EBF1: variants seen among roughly 807,000 people sequenced by gnomAD.
EBF1 encodes EBF transcription factor 1, also known as transcription factor COE1.
In EBF1, 10 loss-of-function variants were observed where a neutral mutation model predicts 68.4. The observed-to-expected ratio is 0.15, with a 90% CI of 0.09 to 0.25. EBF1 has a LOEUF of 0.25. EBF1 is among the 10% of genes least tolerant of loss of function. The pLI, the probability that EBF1 is intolerant of heterozygous loss-of-function variation, is 1.00. For synonymous variants in EBF1, 298 were observed against 299.8 expected (o/e 0.99, Z 0.06); for missense variants, 509 against 794.4 (o/e 0.64, Z 4.32).
At chr5:158,980,910 A>G (rs1289033298) in intron 6 of EBF1, among the ~76,000 whole-genome samples, 4 of 152,238 alleles carry the variant, frequency 2.6e-5, no homozygotes, top group Admixed American at 2.6e-4. Flanking sequence ...GGAAAAAGAA[A>G]CTAGTAAGTT....
intron 6 of EBF1, among the ~76,000 whole-genome samples, chr5:159,038,285 G>A (rs1239490421): frequency 3.3e-5 from 5 of 152,020 alleles, no homozygotes; most frequent in African/African-American, 4.8e-5. Flanking sequence ...AAATGAGGGG[G>A]GAAACCCACC....
intron 9 of EBF1, among the ~76,000 whole-genome samples, chr5:158,785,260 C>T (rs1361829032): frequency 6.6e-6 from 1 of 152,142 alleles, no homozygotes; most frequent in Non-Finnish European, 1.5e-5. Flanking sequence ...CTTGTTTTCC[C>T]TCCACTACTC....
rs568263410 is a variant in EBF1, at chr5:158,745,588, C to G, written c.1037-14431G>C. On this transcript the variant is annotated intron_variant, in intron 10 of 15. Coordinates refer to ENST00000313708, the MANE Select transcript of EBF1 (RefSeq NM_024007.5). Reference sequence around the variant, plus strand: ...CATCAGTTCTCAAGAGCTGAAGAGACTAGACCAGTTGCTACATTACTGACC... The same window carrying G: ...CATCAGTTCTCAAGAGCTGAAGAGAGTAGACCAGTTGCTACATTACTGACC... 2.6e-5 allele frequency among the ~76,000 whole-genome samples: 4 copies of G among 152,298 alleles called. No homozygotes were observed. In the East Asian group the frequency reaches 7.7e-4, roughly 29 times the overall value.
chr5:158,729,294 A>G (rs1326536725), intron 11 of EBF1, among the ~76,000 whole-genome samples: 1 of 152,078 alleles, frequency 6.6e-6, no homozygotes, highest in Non-Finnish European at 1.5e-5. Context: ...GTCCAACCTG[A>G]CTCTCCTCAA....
chr5:158,817,253 T>C (rs1449976445), intron 8 of EBF1, among the ~76,000 whole-genome samples: 1 of 151,604 alleles, frequency 6.6e-6, no homozygotes, highest in South Asian at 2.1e-4. Context: ...ATTTTTTTTT[T>C]TGTCCCCTTT....
At chr5:158,992,993 A>G (rs1229748711) in intron 6 of EBF1, among the ~76,000 whole-genome samples, 3 of 131,384 alleles carry the variant, frequency 2.3e-5, no homozygotes, top group South Asian at 2.4e-4. Flanking sequence ...CAATGGAGCA[A>G]TCTCGGCTCA....
chr5:159,052,251 G>T (rs1440482703), intron 6 of EBF1, among the ~76,000 whole-genome samples: 1 of 150,846 alleles, frequency 6.6e-6, no homozygotes, highest in Non-Finnish European at 1.5e-5. Flanking sequence ...TATGTGTATT[G>T]CTTAGCAGCC....
chr5:158,845,725 A>G (rs1791351827), intron 6 of EBF1, among the ~76,000 whole-genome samples: 1 of 151,888 alleles, frequency 6.6e-6, no homozygotes. Context: ...AAAAAGAAGA[A>G]GAAATAACCA....
At position 158,747,509 on chromosome 5, in the gene EBF1, G is replaced by C. The variant is rs184045548; in HGVS notation, c.1037-16352C>G. On this transcript the variant is annotated intron_variant, in intron 10 of 15. Coordinates refer to ENST00000313708, the MANE Select transcript of EBF1 (RefSeq NM_024007.5). ...ACATGATCTATCTCCTATTACTGCT[G>C]GCCATTTCAAAGCCAAATAGACCTG... 1.7e-4 allele frequency among the ~76,000 whole-genome samples: 26 copies of C among 152,140 alleles called. No homozygotes were observed. In the East Asian group the frequency reaches 4.3e-3, roughly 25 times the overall value.
intron 6 of EBF1, among the ~76,000 whole-genome samples, chr5:158,898,168 T>C (rs941385846): frequency 6.6e-6 from 1 of 152,248 alleles, no homozygotes; most frequent in Non-Finnish European, 1.5e-5. Context: ...ACTGTTATTA[T>C]AGTATATATA....
intron 12 of EBF1, among the ~76,000 whole-genome samples, chr5:158,713,540 G>T (rs1393373337): frequency 6.6e-6 from 1 of 152,148 alleles, no homozygotes; most frequent in East Asian, 1.9e-4. Flanking sequence ...CAGGGGGAGA[G>T]GAAGAGAGGC....
intron 8 of EBF1, among the ~76,000 whole-genome samples, chr5:158,807,694 T>C (rs1254649152): frequency 2.0e-5 from 3 of 152,120 alleles, no homozygotes; most frequent in South Asian, 2.1e-4. Flanking sequence ...AACATAATCA[T>C]GGCCAATTCT....
At chr5:158,848,676 T>C (rs1002128908) in intron 6 of EBF1, among the ~76,000 whole-genome samples, 1 of 152,242 alleles carries the variant, frequency 6.6e-6, no homozygotes, top group Non-Finnish European at 1.5e-5. Context: ...GTGTGTTTCA[T>C]GCAGACAGAA....
chr5:158,817,243 AT>A (rs11349710), intron 8 of EBF1, among the ~76,000 whole-genome samples: 19,450 of 148,658 alleles, frequency 0.13, 1,737 homozygotes, highest in African/African-American at 0.25. Context: ...ATACCTGGCA[AT>A]TTTTTTTTTT....
At chr5:158,971,060 G>A (rs1292329330) in intron 6 of EBF1, among the ~76,000 whole-genome samples, 2 of 152,136 alleles carry the variant, frequency 1.3e-5, no homozygotes, top group African/African-American at 4.8e-5. Context: ...GGGCAATACC[G>A]GGTAACCTAT....
intron 6 of EBF1, among the ~76,000 whole-genome samples, chr5:159,050,694 G>T (rs1444104677): frequency 6.6e-6 from 1 of 152,168 alleles, no homozygotes; most frequent in Non-Finnish European, 1.5e-5. Context: ...ACTGACTCCT[G>T]CCTCCGTTCA....
At chr5:158,755,798 T>C (rs1769945465) in intron 10 of EBF1, among the ~76,000 whole-genome samples, 1 of 152,230 alleles carries the variant, frequency 6.6e-6, no homozygotes, top group African/African-American at 2.4e-5. Flanking sequence ...AGAACCTCTA[T>C]GTTTGAGGGA....
intron 6 of EBF1, among the ~76,000 whole-genome samples, chr5:158,930,266 T>A (rs963658859): frequency 9.1e-6 from 1 of 110,282 alleles, no homozygotes; most frequent in African/African-American, 2.7e-5. Flanking sequence ...TTTTGTTTTT[T>A]TTTTTGTTTG....
intron 5 of EBF1, among the ~76,000 whole-genome samples, chr5:159,076,757 T>G (rs113101247): frequency 3.9e-5 from 6 of 152,338 alleles, no homozygotes; most frequent in African/African-American, 1.2e-4. Context: ...CACCTCAAAA[T>G]AATGTCTGCT....
Sources: allele counts gnomAD v4.1 joint callset (sites outside exome capture counted in the v4.1 genomes callset), GRCh38; gene constraint gnomAD v4.1.1; transcripts MANE v1.5; gene names NCBI Gene and HGNC (gene_info 2026-07-23, HGNC 2026-07-21).